The following SORCS3 variants were observed in gnomAD, a reference collection of about 807,000 sequenced individuals.
The protein encoded by SORCS3 is VPS10 domain-containing receptor SorCS3.
SORCS3 carries 57 observed loss-of-function variants against 146.3 expected under a neutral mutation model. That is an observed-to-expected ratio of 0.39 (90% CI 0.31 to 0.49). SORCS3 has a LOEUF of 0.49. SORCS3 is among the 20% of genes least tolerant of loss of function. SORCS3 has a pLI of 0.92. For missense variants in SORCS3, 1,341 were observed against 1,575.5 expected, an observed-to-expected ratio of 0.85 and a Z score of 2.52; for synonymous variants, 653 against 618.5, an observed-to-expected ratio of 1.06 and a Z score of -0.83.
chr10:104,858,528 T>C (rs890946010), intron 2 of SORCS3, among the ~76,000 whole-genome samples: 1 of 152,234 alleles, frequency 6.6e-6, no homozygotes, highest in African/African-American at 2.4e-5. Flanking sequence ...TCTTTGTTTT[T>C]CCATGCATTT....
chr10:104,836,099 A>T (rs1235823625), intron 1 of SORCS3, among the ~76,000 whole-genome samples: 1 of 152,128 alleles, frequency 6.6e-6, no homozygotes, highest in Non-Finnish European at 1.5e-5. Context: ...AGAGGGCTGG[A>T]TCCAATTGGG....
At chr10:105,262,286 G>T in intron 25 of SORCS3, 45 bp from the exon 26 acceptor site, 2 of 1,578,598 alleles carry the variant, frequency 1.3e-6, no homozygotes, top group Non-Finnish European at 1.7e-6. Context: ...CCCAAGTTTG[G>T]CACACCCTGT....
rs1045872991 is a variant in SORCS3, at chr10:104,798,199, G to A, written c.628-44593G>A. Among the ~76,000 whole-genome samples the A allele has an allele frequency of 2.6e-5, 4 of 152,170 alleles. 1 individual carries two copies. The highest frequency in any genetic ancestry group is 5.9e-5 in the Non-Finnish European group (4 of 68,032). On this transcript the variant is annotated intron_variant, in intron 1 of 26. Coordinates refer to ENST00000369701, the MANE Select transcript of SORCS3 (RefSeq NM_014978.3). Reference sequence around the variant, plus strand: ...ATATTAGGAAAGGTGGGAGCTCTAAGGTACAGCTCTGGGGTGCCTGGGTGG... The same window carrying A: ...ATATTAGGAAAGGTGGGAGCTCTAAAGTACAGCTCTGGGGTGCCTGGGTGG...
At chr10:105,222,650 C>T (rs1214972190) in intron 19 of SORCS3, among the ~76,000 whole-genome samples, 2 of 152,192 alleles carry the variant, frequency 1.3e-5, no homozygotes, top group Admixed American at 1.3e-4. Context: ...CCACTGTATA[C>T]TGCAGATGAT....
chr10:105,072,497 A>G (rs188783263), intron 5 of SORCS3, among the ~76,000 whole-genome samples: 52 of 152,222 alleles, frequency 3.4e-4, no homozygotes, highest in African/African-American at 1.2e-3. Context: ...GGATACAAGC[A>G]TGAGCAGTAT....
At chr10:104,859,312 T>C (rs952744056) in intron 2 of SORCS3, among the ~76,000 whole-genome samples, 11 of 152,094 alleles carry the variant, frequency 7.2e-5, no homozygotes, top group Admixed American at 2.0e-4. Context: ...AAACAAGCAA[T>C]GGGGAAAGGA....
rs748524827 is a variant in SORCS3 at position 105,147,646 on chromosome 10, C to A, written c.1332C>A (p.Asn444Lys). 4.3e-6 allele frequency: 7 copies of A among 1,612,752 alleles called. No individual in the cohort carries two copies. In the South Asian group the frequency reaches 7.7e-5, roughly 18 times the overall value. Residue 444 changes from asparagine (N) to lysine (K), a missense_variant, in exon 9 of 27, where the codon AAC becomes AAA. Asn to Lys is a moderately conservative substitution (Grantham distance 94). Coordinates refer to ENST00000369701, the MANE Select transcript of SORCS3 (RefSeq NM_014978.3). Reference protein sequence around the residue: ...KDMHIISTDENQVFAAVQEWN... With the variant: ...KDMHIISTDEKQVFAAVQEWN... ...TGCACATCATCAGTACAGACGAGAA[C>A]CAAGTATTTGCTGCGGTCCAAGAAT... is the stretch of plus-strand genomic sequence containing the variant.
intron 20 of SORCS3, among the ~76,000 whole-genome samples, chr10:105,242,428 TTATACATATATTTA>T (rs1261069841): frequency 2.3e-5 from 2 of 86,916 alleles, no homozygotes; most frequent in Non-Finnish European, 2.1e-5. Flanking sequence ...ATTTATATAT[TTATACATATATTTA>T]TATATATTTA....
chr10:105,070,074 A>G (rs1564746908), intron 5 of SORCS3, among the ~76,000 whole-genome samples: 1 of 152,012 alleles, frequency 6.6e-6, no homozygotes, highest in Non-Finnish European at 1.5e-5. Flanking sequence ...ATGTACATAT[A>G]CTCCTTCTAA....
At chr10:104,922,815 C>T (rs2019100767) in intron 3 of SORCS3, among the ~76,000 whole-genome samples, 1 of 152,152 alleles carries the variant, frequency 6.6e-6, no homozygotes, top group African/African-American at 2.4e-5. Flanking sequence ...TTGGTATTTG[C>T]AAAGTGGTCT....
intron 1 of SORCS3, among the ~76,000 whole-genome samples, chr10:104,687,752 GCTCTGGAGTCTGA>G (rs1315067145): frequency 1.2e-4 from 19 of 152,296 alleles, no homozygotes; most frequent in African/African-American, 4.3e-4. Context: ...GAAGGCACAG[GCTCTGGAGTCTGA>G]CTCTGGTAGT....
At chr10:104,840,643 G>A (rs75189845) in intron 1 of SORCS3, among the ~76,000 whole-genome samples, 15,918 of 152,266 alleles carry the variant, frequency 0.1, 980 homozygotes, top group South Asian at 0.24. Flanking sequence ...GGGAAAAAGC[G>A]GAGTGGTCCA....
At chr10:105,001,484 A>C (rs1051464757) in intron 4 of SORCS3, among the ~76,000 whole-genome samples, 2 of 152,224 alleles carry the variant, frequency 1.3e-5, no homozygotes, top group Non-Finnish European at 2.9e-5. Context: ...TGCTTCCTTC[A>C]GCACCACTTG....
At chr10:105,222,658 G>C in intron 19 of SORCS3, among the ~76,000 whole-genome samples, 1 of 152,176 alleles carries the variant, frequency 6.6e-6, no homozygotes, top group Non-Finnish European at 1.5e-5. Context: ...TACTGCAGAT[G>C]ATGAGGCACA....
chr10:104,642,084 C>G (rs1214515193), intron 1 of SORCS3, 130 bp downstream of exon 1: 2 of 1,116,354 alleles, frequency 1.8e-6, no homozygotes, highest in African/African-American at 1.6e-5. Flanking sequence ...TTCGAGATAA[C>G]AGGTTTGTCC....
intron 21 of SORCS3, among the ~76,000 whole-genome samples, chr10:105,246,820 T>A (rs2056868894): frequency 6.6e-6 from 1 of 152,172 alleles, no homozygotes; most frequent in Non-Finnish European, 1.5e-5. Context: ...TCTAGCACAA[T>A]GGGTGAAGGG....
intron 1 of SORCS3, among the ~76,000 whole-genome samples, chr10:104,786,023 T>C (rs932560851): frequency 1.3e-5 from 2 of 152,176 alleles, no homozygotes; most frequent in African/African-American, 4.8e-5. Flanking sequence ...ATACTGAATA[T>C]CAACATTAGG....
In SORCS3 at chr10:105,252,361, C is replaced by T. The variant is rs145451621; in HGVS notation, c.3106-414C>T. ...TTAATAAGTGAAAGCAAGTATTGCT[C>T]GGCTTTCTTTAAATTTGCATTTTCC... On this transcript the variant is annotated intron_variant, in intron 22 of 26. Coordinates refer to ENST00000369701, the MANE Select transcript of SORCS3 (RefSeq NM_014978.3). 2.3e-3 allele frequency among the ~76,000 whole-genome samples: 353 copies of T among 152,280 alleles called. 1 individual carries two copies. Among genetic ancestry groups the T allele is most frequent in the African/African-American group, 8.2e-3 (341 of 41,546 alleles).
At chr10:104,651,023 G>C (rs2015552178) in intron 1 of SORCS3, among the ~76,000 whole-genome samples, 2 of 152,200 alleles carry the variant, frequency 1.3e-5, no homozygotes, top group African/African-American at 4.8e-5. Flanking sequence ...TAGAAAAATA[G>C]CTCAAGCTGC....
Sources: allele counts gnomAD v4.1 joint callset (sites outside exome capture counted in the v4.1 genomes callset), GRCh38; gene constraint gnomAD v4.1.1; transcripts MANE v1.5; gene names NCBI Gene and HGNC (gene_info 2026-07-23, HGNC 2026-07-21).